EPHA6: variants seen among roughly 807,000 people sequenced by gnomAD.
The protein encoded by EPHA6 is ephrin type-A receptor 6.
EPHA6 carries 50 observed loss-of-function variants against 112.0 expected under a neutral mutation model. The observed-to-expected ratio is 0.45, with a 90% confidence interval of 0.36 to 0.56. The LOEUF (loss-of-function observed/expected upper bound fraction) is 0.56, where lower values mean the gene tolerates loss of function less well. EPHA6 is among the 20% of genes least tolerant of loss of function. The pLI, the probability that EPHA6 is intolerant of heterozygous loss-of-function variation, is 0.00. For missense variants in EPHA6, 1,280 were observed against 1,417.4 expected (o/e 0.90, Z 1.56); for synonymous variants, 529 against 490.7 (o/e 1.08, Z -1.03).
At chr3:97,160,245 T>G (rs897045635) in intron 3 of EPHA6, among the ~76,000 whole-genome samples, 5 of 152,092 alleles carry the variant, frequency 3.3e-5, no homozygotes, top group African/African-American at 4.8e-5. Context: ...AAGGTCATTC[T>G]TTGGTGTGCA....
At chr3:97,149,917 A>G (rs2076132948) in intron 3 of EPHA6, among the ~76,000 whole-genome samples, 1 of 151,102 alleles carries the variant, frequency 6.6e-6, no homozygotes, top group Non-Finnish European at 1.5e-5. Context: ...AGGATACTAG[A>G]AACTCTCTCT....
intron 5 of EPHA6, among the ~76,000 whole-genome samples, chr3:97,400,926 G>A (rs957461860): frequency 6.6e-6 from 1 of 151,436 alleles, no homozygotes; most frequent in Non-Finnish European, 1.5e-5. Context: ...TTGCTTAATT[G>A]TTCTGGCTAG....
At chr3:96,816,698 A>T (rs2032814231) in intron 1 of EPHA6, among the ~76,000 whole-genome samples, 1 of 152,082 alleles carries the variant, frequency 6.6e-6, no homozygotes, top group Non-Finnish European at 1.5e-5. Context: ...ATGATGCATC[A>T]GTAACTACCC....
intron 5 of EPHA6, among the ~76,000 whole-genome samples, chr3:97,370,139 T>G (rs557796546): frequency 4.5e-4 from 68 of 152,304 alleles, no homozygotes; most frequent in Non-Finnish European, 8.5e-4. Context: ...GGTTTGGGTT[T>G]ATAATTTACT....
chr3:97,676,475 G>C (rs2031389814), intron 14 of EPHA6, among the ~76,000 whole-genome samples: 1 of 152,144 alleles, frequency 6.6e-6, no homozygotes, highest in South Asian at 2.1e-4. Context: ...ATGGAAAAAT[G>C]AGTGTATTCA....
chr3:97,565,022 C>T (rs529875433), intron 11 of EPHA6, among the ~76,000 whole-genome samples: 12 of 152,178 alleles, frequency 7.9e-5, no homozygotes, highest in African/African-American at 2.9e-4. Flanking sequence ...CCACAATATT[C>T]AATCCATATA....
chr3:97,375,855 T>C (rs1421877033), intron 5 of EPHA6, among the ~76,000 whole-genome samples: 1 of 152,154 alleles, frequency 6.6e-6, no homozygotes, highest in East Asian at 1.9e-4. Flanking sequence ...GATTCATTTA[T>C]ATAGAATTCT....
intron 6 of EPHA6, among the ~76,000 whole-genome samples, chr3:97,442,727 A>T (rs766446679): frequency 3.9e-5 from 6 of 152,188 alleles, no homozygotes; most frequent in Non-Finnish European, 8.8e-5. Flanking sequence ...TTAAAGTAGA[A>T]ATATGAAAAA....
chr3:97,715,729 A>G (rs547286883), intron 14 of EPHA6, among the ~76,000 whole-genome samples: 1 of 152,322 alleles, frequency 6.6e-6, no homozygotes, highest in South Asian at 2.1e-4. Flanking sequence ...CACCTATAAT[A>G]CAACTCCACT....
At chr3:97,142,421 A>G (rs1018427644) in intron 3 of EPHA6, among the ~76,000 whole-genome samples, 3 of 151,970 alleles carry the variant, frequency 2.0e-5, no homozygotes, top group Non-Finnish European at 4.4e-5. Flanking sequence ...CAAAATTGAT[A>G]GACTGCTAGC....
intron 7 of EPHA6, among the ~76,000 whole-genome samples, chr3:97,467,795 T>C (rs1238315573): frequency 6.6e-6 from 1 of 151,740 alleles, no homozygotes; most frequent in African/African-American, 2.4e-5. Context: ...TTTTCTTTGT[T>C]CTTTGAAATT....
At chr3:97,480,697 T>C (rs1203905543) in intron 9 of EPHA6, among the ~76,000 whole-genome samples, 9 of 152,170 alleles carry the variant, frequency 5.9e-5, no homozygotes. Context: ...CTTTTCTATT[T>C]GACAAAACCG....
At chr3:97,305,594 A>G (rs138880055) in intron 5 of EPHA6, among the ~76,000 whole-genome samples, 4 of 152,214 alleles carry the variant, frequency 2.6e-5, no homozygotes, top group East Asian at 3.9e-4. Context: ...GGAAGCCTTT[A>G]TCCTCAGCAA....
intron 3 of EPHA6, among the ~76,000 whole-genome samples, chr3:97,143,818 G>A (rs907847241): frequency 6.6e-6 from 1 of 151,492 alleles, no homozygotes; most frequent in Non-Finnish European, 1.5e-5. Flanking sequence ...AAGAGATAAT[G>A]GTCTTTTAGG....
intron 3 of EPHA6, among the ~76,000 whole-genome samples, chr3:97,014,743 C>T (rs186016446): frequency 2.0e-5 from 3 of 152,256 alleles, no homozygotes; most frequent in Admixed American, 2.0e-4. Flanking sequence ...ATGAATATTA[C>T]TTCAAAGGGA....
At chr3:97,668,168 A>G (rs2030357592) in intron 14 of EPHA6, among the ~76,000 whole-genome samples, 1 of 152,220 alleles carries the variant, frequency 6.6e-6, no homozygotes, top group Non-Finnish European at 1.5e-5. Flanking sequence ...AACTGCCCTC[A>G]TAATCTTGCT....
At chr3:96,919,590 A>G (rs1393402032) in intron 2 of EPHA6, among the ~76,000 whole-genome samples, 2 of 151,932 alleles carry the variant, frequency 1.3e-5, no homozygotes, top group South Asian at 2.1e-4. Context: ...TTTTAAGTCT[A>G]TTGAGGCAGG....
At chr3:97,620,188 A>G (rs1318408302) in intron 13 of EPHA6, among the ~76,000 whole-genome samples, 2 of 152,120 alleles carry the variant, frequency 1.3e-5, no homozygotes, top group Non-Finnish European at 2.9e-5. Flanking sequence ...TATTCAATAA[A>G]GGGTACTGGT....
At chr3:97,687,867 C>T (rs1384676080) in intron 14 of EPHA6, among the ~76,000 whole-genome samples, 2 of 152,176 alleles carry the variant, frequency 1.3e-5, no homozygotes, top group Admixed American at 1.3e-4. Context: ...GTTGCAGGAG[C>T]AGCAGGTATC....
Sources: gnomAD v4.1 joint callset for allele counts (sites outside exome capture counted in the v4.1 genomes callset) on GRCh38, gnomAD v4.1.1 for gene constraint, MANE v1.5 for transcripts, NCBI Gene and HGNC (gene_info 2026-07-23, HGNC 2026-07-21) for gene names.